Variants in CDYL2 observed in about 807,000 individuals in gnomAD.
CDYL2 encodes the protein chromodomain Y-like protein 2.
Under a neutral mutation model 49.4 loss-of-function variants are expected in CDYL2, and 23 were observed. The ratio of observed to expected loss-of-function variants is 0.47; its 90% CI spans 0.34 to 0.66. CDYL2 has a LOEUF of 0.66. Among genes scored for constraint, CDYL2 ranks in the 30% least tolerant of loss-of-function variants. The pLI is 0.01. For missense variants in CDYL2, 678 were observed against 656.4 expected, an observed-to-expected ratio of 1.03 and a Z score of -0.36; for synonymous variants, 360 against 268.8, an observed-to-expected ratio of 1.34 and a Z score of -3.32.
At chr16:80,683,516 C>A (rs554503059) in intron 2 of CDYL2, among the ~76,000 whole-genome samples, 4 of 152,196 alleles carry the variant, frequency 2.6e-5, no homozygotes, top group Admixed American at 2.6e-4. Context: ...AATTCCATAA[C>A]CTAACACAAC....
At chr16:80,607,846 G>C (rs897430111) in intron 6 of CDYL2, among the ~76,000 whole-genome samples, 1 of 152,248 alleles carries the variant, frequency 6.6e-6, no homozygotes, top group African/African-American at 2.4e-5. Context: ...CGCTACCCTA[G>C]AGTATCCATC....
At chr16:80,760,595 C>T (rs1906493142) in intron 1 of CDYL2, among the ~76,000 whole-genome samples, 1 of 151,590 alleles carries the variant, frequency 6.6e-6, no homozygotes, top group Non-Finnish European at 1.5e-5. Context: ...CTCGTATACC[C>T]CATAAATATA....
intron 1 of CDYL2, among the ~76,000 whole-genome samples, chr16:80,745,536 C>A (rs924952536): frequency 6.6e-6 from 1 of 152,100 alleles, no homozygotes; most frequent in Non-Finnish European, 1.5e-5. Flanking sequence ...AAAAACAGTA[C>A]CCCCTTCATG....
At chr16:80,752,639 C>A (rs373894236) in intron 1 of CDYL2, among the ~76,000 whole-genome samples, 3 of 152,118 alleles carry the variant, frequency 2.0e-5, no homozygotes, top group Non-Finnish European at 4.4e-5. Context: ...ATTATTTGCC[C>A]TATGGAAATA....
chr16:80,771,730 CA>C (rs11362902), intron 1 of CDYL2, among the ~76,000 whole-genome samples: 6,857 of 139,766 alleles, frequency 0.049, 506 homozygotes, highest in African/African-American at 0.17. Flanking sequence ...ATTTCAAAAG[CA>C]AAAAAAAAAT....
chr16:80,729,985 C>T (rs572329552), intron 1 of CDYL2, among the ~76,000 whole-genome samples: 24 of 152,040 alleles, frequency 1.6e-4, no homozygotes, highest in African/African-American at 5.8e-4. Flanking sequence ...ACTAAATGCC[C>T]ACAAGAGAAA....
At chr16:80,689,272 ATGCTATTAT>A (rs1910318524) in intron 1 of CDYL2, among the ~76,000 whole-genome samples, 1 of 152,192 alleles carries the variant, frequency 6.6e-6, no homozygotes, top group Non-Finnish European at 1.5e-5. Context: ...GGAAATGCTG[ATGCTATTAT>A]TACCAGTGCC....
At chr16:80,636,189 A>G (rs1477112289) in intron 2 of CDYL2, among the ~76,000 whole-genome samples, 1 of 152,224 alleles carries the variant, frequency 6.6e-6, no homozygotes, top group African/African-American at 2.4e-5. Flanking sequence ...AATGGTAAGA[A>G]AAGCCAAAAT....
At chr16:80,631,020 T>C (rs1907537671) in intron 3 of CDYL2, among the ~76,000 whole-genome samples, 1 of 152,092 alleles carries the variant, frequency 6.6e-6, no homozygotes, top group South Asian at 2.1e-4. Flanking sequence ...GAATACAGGA[T>C]ATTGCAAGGA....
chr16:80,752,718 T>C (rs147416092), intron 1 of CDYL2, among the ~76,000 whole-genome samples: 45 of 152,346 alleles, frequency 3.0e-4, no homozygotes, highest in African/African-American at 8.9e-4. Flanking sequence ...GATAAATGTT[T>C]AACAAAGCGG....
chr16:80,666,797 C>T (rs1039571947), intron 2 of CDYL2, among the ~76,000 whole-genome samples: 1 of 152,106 alleles, frequency 6.6e-6, no homozygotes, highest in South Asian at 2.1e-4. Context: ...GCCTCAGGAC[C>T]CCCATCTTAA....
At chr16:80,669,785 G>C (rs1456914321) in intron 2 of CDYL2, among the ~76,000 whole-genome samples, 1 of 152,198 alleles carries the variant, frequency 6.6e-6, no homozygotes, top group Non-Finnish European at 1.5e-5. Context: ...ACTTGGACAA[G>C]GAGCCTCCAA....
intron 1 of CDYL2, among the ~76,000 whole-genome samples, chr16:80,756,757 A>G (rs1381217700): frequency 6.6e-6 from 1 of 152,142 alleles, no homozygotes; most frequent in Non-Finnish European, 1.5e-5. Flanking sequence ...ATTAAATAAA[A>G]TATTTTTAAA....
intron 1 of CDYL2, among the ~76,000 whole-genome samples, chr16:80,769,314 C>T (rs564763863): frequency 2.6e-5 from 4 of 152,314 alleles, no homozygotes; most frequent in East Asian, 3.9e-4. Context: ...TTAGTAAAAG[C>T]ATGAGTTAAT....
In CDYL2 at chr16:80,600,300, A is replaced by G. The variant is rs1906025210; in HGVS notation, c.*4088T>C. The G allele has an allele frequency of 6.6e-6, 1 of 152,232 alleles. No individual in the cohort carries two copies. The highest frequency in any genetic ancestry group is 2.4e-5 in the African/African-American group (1 of 41,468). The allele number at this position is 152,232 out of a possible 1,614,324, so 9.4% of individuals were successfully genotyped here. The stretch of plus-strand genomic sequence containing the variant: ...TTTTTCAAAAGAACAAGTGATATTA[A>G]TGAAAAATATTGCCTAAAACGCATA... On this transcript the variant is annotated 3_prime_UTR_variant, in exon 7 of 7. Coordinates refer to ENST00000570137, the MANE Select transcript of CDYL2 (RefSeq NM_152342.4).
At chr16:80,730,135 A>T (rs1175436974) in intron 1 of CDYL2, among the ~76,000 whole-genome samples, 2 of 152,154 alleles carry the variant, frequency 1.3e-5, no homozygotes, top group Non-Finnish European at 2.9e-5. Context: ...GACACAAAAA[A>T]CCCTTCAAAA....
chr16:80,608,026 T>C (rs1906420066), intron 6 of CDYL2, 66 bp downstream of exon 6: 2 of 1,490,218 alleles, frequency 1.3e-6, no homozygotes, highest in East Asian at 2.6e-5. Flanking sequence ...CCTCTGAGCC[T>C]TGCTGTCTTC....
At chr16:80,766,867 C>G (rs1026867958) in intron 1 of CDYL2, among the ~76,000 whole-genome samples, 4 of 152,232 alleles carry the variant, frequency 2.6e-5, no homozygotes, top group African/African-American at 9.6e-5. Flanking sequence ...CAACAAAACA[C>G]TGGCTAAGCA....
At chr16:80,618,647 C>G (rs1344916928) in intron 4 of CDYL2, among the ~76,000 whole-genome samples, 2 of 152,152 alleles carry the variant, frequency 1.3e-5, no homozygotes, top group Admixed American at 1.3e-4. Context: ...TTCCTGCATG[C>G]AAGAAGGATC....
Sources: allele counts gnomAD v4.1 joint callset (sites outside exome capture counted in the v4.1 genomes callset), GRCh38; gene constraint gnomAD v4.1.1; transcripts MANE v1.5; gene names NCBI Gene and HGNC (gene_info 2026-07-23, HGNC 2026-07-21).